The following FAM53B variants were observed in gnomAD, a reference collection of about 807,000 sequenced individuals.
FAM53B encodes family with sequence similarity 53 member B, also known as protein FAM53B.
Under a neutral mutation model 32.7 loss-of-function variants are expected in FAM53B, and 12 were observed. That is an observed-to-expected ratio of 0.37 (90% CI 0.24 to 0.59). The LOEUF (loss-of-function observed/expected upper bound fraction) is 0.59. FAM53B is among the 20% of genes least tolerant of loss of function. The probability of loss-of-function intolerance (pLI) is 0.72; values close to 1 mark genes in which losing one functional copy is unlikely to be tolerated. For missense variants in FAM53B, 477 were observed against 577.7 expected (o/e 0.83, Z 1.79); for synonymous variants, 234 against 228.7 (o/e 1.02, Z -0.21).
At chr10:124,624,672 A>G (rs1949333803) in intron 4 of FAM53B, among the ~76,000 whole-genome samples, 1 of 151,550 alleles carries the variant, frequency 6.6e-6, no homozygotes, top group South Asian at 2.1e-4. Flanking sequence ...CTTGAACAGG[A>G]TTTCAAGGGT....
At chr10:124,627,707 C>G (rs1949364042) in intron 4 of FAM53B, among the ~76,000 whole-genome samples, 1 of 152,194 alleles carries the variant, frequency 6.6e-6, no homozygotes, top group Non-Finnish European at 1.5e-5. Flanking sequence ...GATGGAGGCC[C>G]TGCCTTTTCC....
chr10:124,688,151 G>C (rs1423397026), intron 3 of FAM53B, among the ~76,000 whole-genome samples: 1 of 152,136 alleles, frequency 6.6e-6, no homozygotes, highest in Non-Finnish European at 1.5e-5. Context: ...CTATGAACAA[G>C]ATGAGTGTGA....
At chr10:124,729,502 G>A (rs1191364885) in intron 1 of FAM53B, among the ~76,000 whole-genome samples, 2 of 152,132 alleles carry the variant, frequency 1.3e-5, no homozygotes, top group Non-Finnish European at 2.9e-5. Flanking sequence ...TACTTATCTG[G>A]TTTTCTTCTT....
At chr10:124,648,755 G>C (rs776263765) in intron 4 of FAM53B, among the ~76,000 whole-genome samples, 8 of 152,260 alleles carry the variant, frequency 5.3e-5, no homozygotes, top group Middle Eastern at 3.2e-3. Flanking sequence ...ACAGAACTCA[G>C]AGCTAGTCCA....
rs191060785 is a variant in FAM53B at position 124,688,152 on chromosome 10, A to G, written c.134-5773T>C. On this transcript the variant is annotated intron_variant, in intron 3 of 4. Coordinates refer to ENST00000337318, the MANE Select transcript of FAM53B (RefSeq NM_014661.4). ...AAGCTAACTCACTCCTATGAACAAG[A>G]TGAGTGTGAAGCCTCCCACTTTCTC... is the stretch of plus-strand genomic sequence containing the variant. Among the ~76,000 whole-genome samples the G allele has an allele frequency of 3.9e-5, 6 of 152,272 alleles. No individual in the cohort carries two copies. In the East Asian group the frequency reaches 9.7e-4, roughly 25 times the overall value.
In FAM53B at chr10:124,622,522, A is replaced by G. The variant is rs1253488192; in HGVS notation, c.*720T>C. 6.6e-6 allele frequency: 1 copy of G among 152,308 alleles called. No individual in the cohort carries two copies. The highest frequency in any genetic ancestry group is 1.5e-5 in the Non-Finnish European group (1 of 68,066). The allele number at this position is 152,308 out of a possible 1,614,324, so 9.4% of individuals were successfully genotyped here. On this transcript the variant is annotated 3_prime_UTR_variant, in exon 5 of 5. Transcript: ENST00000337318. ...AAGCAAGTCCGTCTTTTCAGCCAAC[A>G]GATCCACCAAATTTCTACCCAACAC... is the stretch of plus-strand genomic sequence containing the variant.
chr10:124,722,017 A>G (rs1346659602), intron 1 of FAM53B, among the ~76,000 whole-genome samples: 1 of 152,182 alleles, frequency 6.6e-6, no homozygotes, highest in Non-Finnish European at 1.5e-5. Context: ...AGAACAGAGG[A>G]GACTAGAGGC....
rs867139484 is a variant in FAM53B, at chr10:124,626,398, C to A, written c.907-2794G>T. 2.9e-4 allele frequency among the ~76,000 whole-genome samples: 42 copies of A among 147,000 alleles called. 1 individual carries two copies. In the South Asian group the frequency reaches 3.6e-3, roughly 13 times the overall value. ...ACGGTCGAAATTTGTGCCCCCCCCC[C>A]CCCCACCATTCCTCAGTGCAAAAGG... On this transcript the variant is annotated intron_variant, in intron 4 of 4. Transcript: ENST00000337318.
intron 1 of FAM53B, among the ~76,000 whole-genome samples, chr10:124,742,178 C>T (rs1200343570): frequency 3.3e-5 from 5 of 152,166 alleles, no homozygotes; most frequent in Admixed American, 1.3e-4. Context: ...ACTCCCAGGT[C>T]GCATGATGGG....
intron 1 of FAM53B, among the ~76,000 whole-genome samples, chr10:124,718,890 A>AT (rs1314923649): frequency 2.6e-5 from 4 of 152,224 alleles, no homozygotes; most frequent in Non-Finnish European, 5.9e-5. Flanking sequence ...TCTATAAAAA[A>AT]TTTAAAAAAT....
Position 124,623,181 on chromosome 10 carries a change from G to C in FAM53B, c.*61C>G. 2 of 1,513,118 alleles carry C rather than the reference G, an allele frequency of 1.3e-6. No individual in the cohort carries two copies. Among genetic ancestry groups the C allele is most frequent in the South Asian group, 2.6e-5 (2 of 75,532 alleles). The allele number at this position is 1,513,118 out of a possible 1,614,324, so 93.7% of individuals were successfully genotyped here. On this transcript the variant is annotated 3_prime_UTR_variant, in exon 5 of 5. Transcript: ENST00000337318. The stretch of plus-strand genomic sequence containing the variant: ...GGGCTCCCCTTCAAGGGCCCACCTA[G>C]TGCCCAGAGTGGGGGCTGTCGATGC...
chr10:124,642,399 G>T (rs1189806911), intron 4 of FAM53B, among the ~76,000 whole-genome samples: 1 of 152,228 alleles, frequency 6.6e-6, no homozygotes. Context: ...AGTTTCAAGG[G>T]TGGGGCAGTG....
chr10:124,730,695 A>G lies in FAM53B; in HGVS notation c.-175+13318T>C, dbSNP rs1054105009. 2.6e-5 allele frequency among the ~76,000 whole-genome samples: 4 copies of G among 152,196 alleles called. No homozygotes were observed. The South Asian group carries it at 8.3e-4, about 31-fold the overall frequency. ...AACGTGAGAGGTGACCACCGCATGC[A>G]GCTATTAAGCATGTGACACGTGGCT... On this transcript the variant is annotated intron_variant, in intron 1 of 4. Transcript: ENST00000337318.
At chr10:124,725,946 A>G (rs562700562) in intron 1 of FAM53B, among the ~76,000 whole-genome samples, 10 of 152,286 alleles carry the variant, frequency 6.6e-5, no homozygotes, top group African/African-American at 2.4e-4. Flanking sequence ...TGGGGGGAAC[A>G]CTGGGGTACC....
chr10:124,719,241 G>A (rs986613948), intron 1 of FAM53B, among the ~76,000 whole-genome samples: 20 of 152,022 alleles, frequency 1.3e-4, no homozygotes, highest in African/African-American at 4.8e-4. Flanking sequence ...CATGGGGGTG[G>A]GGGAACAGGA....
chr10:124,694,499 C>T (rs1385564776), intron 3 of FAM53B, among the ~76,000 whole-genome samples: 1 of 152,258 alleles, frequency 6.6e-6, no homozygotes, highest in East Asian at 1.9e-4. Flanking sequence ...ATAACTTACA[C>T]AGTGCAAAGA....
At chr10:124,717,625 G>A (rs1026552440) in intron 1 of FAM53B, among the ~76,000 whole-genome samples, 2 of 152,200 alleles carry the variant, frequency 1.3e-5, no homozygotes, top group African/African-American at 4.8e-5. Flanking sequence ...CCGAGGTAGC[G>A]GGGAGGTGGT....
chr10:124,689,824 G>T (rs1949822983), intron 3 of FAM53B, among the ~76,000 whole-genome samples: 1 of 152,260 alleles, frequency 6.6e-6, no homozygotes, highest in Admixed American at 6.5e-5. Context: ...ATGGGGCACT[G>T]GGAAGAGGGG....
At chr10:124,677,109 C>A (rs146666317) in intron 4 of FAM53B, among the ~76,000 whole-genome samples, 2 of 152,320 alleles carry the variant, frequency 1.3e-5, no homozygotes, top group East Asian at 3.9e-4. Flanking sequence ...AGGGGGACTG[C>A]ATTCAATGGG....
Sources: gnomAD v4.1 joint callset for allele counts (sites outside exome capture counted in the v4.1 genomes callset) on GRCh38, gnomAD v4.1.1 for gene constraint, MANE v1.5 for transcripts, NCBI Gene and HGNC (gene_info 2026-07-23, HGNC 2026-07-21) for gene names.